Variants in CADM2 observed in about 807,000 individuals in gnomAD.
CADM2 encodes the protein cell adhesion molecule 2.
A neutral mutation model predicts 49.8 loss-of-function variants in CADM2; 12 were observed. The ratio of observed to expected loss-of-function variants is 0.24; its 90% CI spans 0.15 to 0.39. CADM2 has a LOEUF of 0.39. Ranked by LOEUF, CADM2 falls within the 10% of genes least tolerant of loss-of-function variation. The pLI is 1.00. For synonymous variants in CADM2, 214 were observed against 175.4 expected (o/e 1.22, Z -1.74); for missense variants, 378 against 492.3 (o/e 0.77, Z 2.20).
intron 1 of CADM2, among the ~76,000 whole-genome samples, chr3:85,279,075 T>TAAGAAA (rs1163770233): frequency 3.4e-4 from 52 of 151,562 alleles, no homozygotes; most frequent in Non-Finnish European, 6.8e-4. Flanking sequence ...AGTTTGGGGT[T>TAAGAAA]TCAGGAGTAA....
intron 1 of CADM2, among the ~76,000 whole-genome samples, chr3:85,347,871 G>T (rs938600457): frequency 2.0e-5 from 3 of 150,708 alleles, no homozygotes; most frequent in African/African-American, 7.4e-5. Context: ...GCAGTGGCAC[G>T]ATCTCCGCTC....
intron 5 of CADM2, among the ~76,000 whole-genome samples, chr3:85,900,123 T>C (rs1037679730): frequency 3.3e-5 from 5 of 152,216 alleles, no homozygotes; most frequent in Non-Finnish European, 7.3e-5. Flanking sequence ...ATCTCACTTA[T>C]TTTCCATCTC....
intron 1 of CADM2, among the ~76,000 whole-genome samples, chr3:85,423,182 CT>C (rs1019901656): frequency 1.3e-5 from 2 of 152,060 alleles, no homozygotes; most frequent in African/African-American, 4.8e-5. Flanking sequence ...TGTTCAGATG[CT>C]TTCTCTCTTT....
At chr3:85,490,829 A>G (rs1175164397) in intron 1 of CADM2, among the ~76,000 whole-genome samples, 2 of 152,026 alleles carry the variant, frequency 1.3e-5, no homozygotes, top group African/African-American at 4.8e-5. Context: ...AGAAAAATAT[A>G]AACTCTTTGT....
intron 1 of CADM2, among the ~76,000 whole-genome samples, chr3:85,073,114 C>T (rs1318083422): frequency 6.6e-6 from 1 of 152,100 alleles, no homozygotes; most frequent in Non-Finnish European, 1.5e-5. Flanking sequence ...ATTAACTTCT[C>T]TGACAGATGG....
intron 1 of CADM2, among the ~76,000 whole-genome samples, chr3:85,367,431 T>C (rs2032866273): frequency 1.3e-5 from 2 of 151,806 alleles, no homozygotes; most frequent in Non-Finnish European, 2.9e-5. Context: ...GCTTCCACAA[T>C]ATTAAGACAT....
At chr3:85,843,689 A>C (rs1264233280) in intron 3 of CADM2, among the ~76,000 whole-genome samples, 1 of 152,282 alleles carries the variant, frequency 6.6e-6, no homozygotes, top group Non-Finnish European at 1.5e-5. Context: ...ATGTAAGATT[A>C]TCATTAATAC....
chr3:85,027,393 A>G (rs1164714554), intron 1 of CADM2, among the ~76,000 whole-genome samples: 3 of 151,662 alleles, frequency 2.0e-5, no homozygotes, highest in South Asian at 4.1e-4. Flanking sequence ...TTACAGGCGT[A>G]AGCCACCGCG....
At chr3:85,718,602 A>C (rs1486995056) in intron 1 of CADM2, among the ~76,000 whole-genome samples, 1 of 152,176 alleles carries the variant, frequency 6.6e-6, no homozygotes, top group Non-Finnish European at 1.5e-5. Context: ...TGAAAGCAAA[A>C]GGAATAAATA....
chr3:85,088,295 T>C (rs571941445), intron 1 of CADM2, among the ~76,000 whole-genome samples: 1 of 152,118 alleles, frequency 6.6e-6, no homozygotes, highest in Non-Finnish European at 1.5e-5. Context: ...ATTGAACACC[T>C]TTGGAAACCT....
intron 1 of CADM2, among the ~76,000 whole-genome samples, chr3:85,182,466 G>T (rs1041349976): frequency 6.6e-5 from 10 of 151,898 alleles, no homozygotes; most frequent in African/African-American, 2.2e-4. Flanking sequence ...ATTCTTGATC[G>T]TGAGAAACAT....
chr3:85,543,277 C>CA (rs2061586806), intron 1 of CADM2, among the ~76,000 whole-genome samples: 3 of 140,044 alleles, frequency 2.1e-5, no homozygotes, highest in Admixed American at 1.5e-4. Context: ...TTTTTGGAGA[C>CA]AGAGTCTTGC....
intron 3 of CADM2, among the ~76,000 whole-genome samples, chr3:85,870,422 G>A (rs1400123364): frequency 3.3e-5 from 5 of 151,808 alleles, no homozygotes; most frequent in African/African-American, 4.8e-5. Flanking sequence ...CCATCCTCAG[G>A]TAGGCCCTAG....
chr3:85,092,408 T>C (rs2037631235), intron 1 of CADM2, among the ~76,000 whole-genome samples: 1 of 152,126 alleles, frequency 6.6e-6, no homozygotes, highest in African/African-American at 2.4e-5. Context: ...AGAACACAAA[T>C]TGTGGCCAGA....
chr3:85,749,772 T>G (rs1212758541), intron 2 of CADM2, among the ~76,000 whole-genome samples: 2 of 152,050 alleles, frequency 1.3e-5, no homozygotes, highest in African/African-American at 4.8e-5. Flanking sequence ...GTGTTGTGAA[T>G]TCTACCATTC....
intron 7 of CADM2, among the ~76,000 whole-genome samples, chr3:85,936,249 G>A (rs1377909552): frequency 1.3e-5 from 2 of 151,704 alleles, no homozygotes; most frequent in East Asian, 3.9e-4. Context: ...AAAGTTACAA[G>A]AAGACTCATT....
At chr3:85,159,496 C>A (rs1279356092) in intron 1 of CADM2, among the ~76,000 whole-genome samples, 2 of 152,194 alleles carry the variant, frequency 1.3e-5, no homozygotes, top group African/African-American at 4.8e-5. Flanking sequence ...TCCTGAGATC[C>A]TTCAGACCCA....
At chr3:85,848,893 T>C (rs1339305597) in intron 3 of CADM2, among the ~76,000 whole-genome samples, 3 of 152,178 alleles carry the variant, frequency 2.0e-5, no homozygotes, top group Admixed American at 6.5e-5. Context: ...TAGTCTGTAT[T>C]ACAGATGAAA....
chr3:85,999,518 A>AAAAG (rs962516705), intron 8 of CADM2, among the ~76,000 whole-genome samples: 1 of 151,130 alleles, frequency 6.6e-6, no homozygotes, highest in Admixed American at 6.6e-5. Context: ...AAAGAAAAGA[A>AAAAG]AAAGAAAGAA....
Sources: gnomAD v4.1 joint callset for allele counts (sites outside exome capture counted in the v4.1 genomes callset) on GRCh38, gnomAD v4.1.1 for gene constraint, MANE v1.5 for transcripts, NCBI Gene and HGNC (gene_info 2026-07-23, HGNC 2026-07-21) for gene names.